Variants in ANK2 observed in about 807,000 individuals in gnomAD.
The protein encoded by ANK2 is ankyrin-2.
A neutral mutation model predicts 360.5 loss-of-function variants in ANK2; 83 were observed. That is an observed-to-expected ratio of 0.23 (90% CI 0.19 to 0.28). The LOEUF is 0.28. Among genes scored for constraint, ANK2 ranks in the 10% least tolerant of loss-of-function variants. The pLI is 1.00. For synonymous variants in ANK2, 1,740 were observed against 1,759.5 expected (o/e 0.99, Z 0.28); for missense variants, 4,201 against 4,795.7 (o/e 0.88, Z 3.66).
the ANK2 span, among the ~76,000 whole-genome samples, chr4:112,726,272 G>A: frequency 9.9e-5 from 15 of 152,162 alleles, no homozygotes; most frequent in Admixed American, 9.2e-4. Context: ...ATCATGTTTC[G>A]AGTTATGCCT....
At chr4:113,082,282 G>A (rs934198003) in intron 1 of ANK2, among the ~76,000 whole-genome samples, 1 of 152,006 alleles carries the variant, frequency 6.6e-6, no homozygotes, top group Non-Finnish European at 1.5e-5. Context: ...GTATAAAAAC[G>A]CCTTCCTATT....
intron 43 of ANK2, 115 bp downstream of exon 43, chr4:113,369,920 T>A: frequency 7.7e-7 from 1 of 1,300,418 alleles, no homozygotes; most frequent in Non-Finnish European, 1.1e-6. Flanking sequence ...TTAACCAAAT[T>A]AATTAACCTG....
At chr4:112,828,837 AAAAC>A (rs1467006483) in intron 1 of ANK2, among the ~76,000 whole-genome samples, 1 of 152,170 alleles carries the variant, frequency 6.6e-6, no homozygotes, top group Non-Finnish European at 1.5e-5. Flanking sequence ...CTTAAAGCAA[AAAAC>A]AAACAACCCT....
Position 112,848,490 on chromosome 4 carries a change from A to G in ANK2, c.-40+30226A>G, listed in dbSNP as rs149866967. Among the ~76,000 whole-genome samples the G allele has an allele frequency of 2.3e-3, 350 of 152,318 alleles. 1 individual carries two copies. Among genetic ancestry groups the G allele is most frequent in the Middle Eastern group, 6.8e-3 (2 of 294 alleles). On this transcript the variant is annotated intron_variant, in intron 1 of 30. Transcript: ENST00000503271. Reference sequence around the variant, plus strand: ...AAAATGGATTTAAAAAGAGAATTACATAAAGTACCGAGGCCATAGTAGAGC... The same window carrying G: ...AAAATGGATTTAAAAAGAGAATTACGTAAAGTACCGAGGCCATAGTAGAGC...
intron 1 of ANK2, among the ~76,000 whole-genome samples, chr4:112,825,284 A>G (rs2058158147): frequency 6.6e-6 from 1 of 152,184 alleles, no homozygotes; most frequent in Non-Finnish European, 1.5e-5. Context: ...ACATGTATAC[A>G]TATGTAACAA....
At chr4:113,212,234 T>G (rs2099031618) in intron 4 of ANK2, among the ~76,000 whole-genome samples, 1 of 152,236 alleles carries the variant, frequency 6.6e-6, no homozygotes, top group Non-Finnish European at 1.5e-5. Context: ...TATATCTTAT[T>G]TTTTTCAAAG....
In ANK2 at chr4:113,356,159, A is replaced by G; in HGVS notation, c.7541A>G (p.Asp2514Gly). ...CGGTCCCGGCTACTCCGAGACCCTG[A>G]TGGCAGTGCTGAGGATGACAGTCTT... The part of the protein sequence containing the change: ...SVRSRLLRDP[D>G]GSAEDDSLEQ... Residue 2514 changes from aspartate (D) to glycine (G), a missense_variant, in exon 38 of 46, where the codon GAT (aspartate) becomes GGT (glycine). By Grantham distance (94) the Asp-to-Gly change is moderately conservative. Coordinates refer to ENST00000357077, the MANE Select transcript of ANK2 (RefSeq NM_001148.6). 2 of 1,614,004 alleles carry G rather than the reference A, an allele frequency of 1.2e-6. No homozygotes were observed. Among genetic ancestry groups the G allele is most frequent in the South Asian group, 1.1e-5 (1 of 91,064 alleles).
rs35338364 is a variant in ANK2 at position 113,356,449 on chromosome 4, T to C, written c.7831T>C (p.Tyr2611His). ...LEQEAKQKRDYKKEPKQEESS... is the reference protein window; with the variant it reads ...LEQEAKQKRDHKKEPKQEESS... ...ACAAGAAGCAAAGCAGAAAAGGGAC[T>C]ACAAAAAAGAACCCAAACAAGAAGA... Residue 2611 changes from tyrosine to histidine, a missense_variant, in exon 38 of 46, where the codon TAC becomes CAC. Coordinates refer to ENST00000357077, the MANE Select transcript of ANK2 (RefSeq NM_001148.6). 8.7e-4 allele frequency: 1,398 copies of C among 1,614,072 alleles called. 13 individuals are homozygous for C. The African/African-American group carries it at 0.017, about 19-fold the overall frequency.
rs568255684 is a variant in ANK2, at chr4:113,357,624, C to G, written c.9006C>G (p.Thr3002=). The change falls in exon 38 of 46, where the codon ACC becomes ACG. Residue 3002 remains threonine, a synonymous_variant. Coordinates refer to ENST00000357077, the MANE Select transcript of ANK2 (RefSeq NM_001148.6). ...AAATGGAATCCCAACAGGAAAGTAC[C>G]TTGTGGGAAATGCAATCAGACAGTG... ...DIKMESQQES[T]LWEMQSDSVS... is the part of the protein sequence containing the mutation. The G allele has an allele frequency of 6.2e-7, 1 of 1,614,108 alleles. No individual in the cohort carries two copies. Among genetic ancestry groups the G allele is most frequent in the East Asian group, 2.2e-5 (1 of 44,874 alleles).
At chr4:112,796,440 A>G in the ANK2 span, among the ~76,000 whole-genome samples, 1 of 118,748 alleles carries the variant, frequency 8.4e-6, no homozygotes, top group South Asian at 3.0e-4. Context: ...AAATATCTAT[A>G]TATCTATATA....
At position 113,265,113 on chromosome 4, in the gene ANK2, T is replaced by A. The variant is rs1229434851; in HGVS notation, c.1485+118T>A. The A allele has an allele frequency of 4.1e-6, 4 of 968,860 alleles. No individual in the cohort carries two copies. The Admixed American group carries it at 8.0e-5, about 19-fold the overall frequency. 60.0% of individuals were successfully genotyped at this position (968,860 alleles called of 1,614,324 possible). On this transcript the variant is annotated intron_variant, in intron 14 of 45. Transcript: ENST00000357077. Reference sequence around the variant, plus strand: ...ATACCAGGGACTGTAAGTGAAAGGATCAATTCAATAGCAGTTTTCCAGAAA... The same window carrying A: ...ATACCAGGGACTGTAAGTGAAAGGAACAATTCAATAGCAGTTTTCCAGAAA...
Position 113,367,846 on chromosome 4 carries a change from A to T in ANK2, c.11313A>T (p.Glu3771Asp). ...AGTCATCTCTGGAATATCAGCAGGA[A>T]TATTTGTGAGTTTCCAAAGAAAGCC... ...PEESSLEYQQEYFVTTPGTET... is the reference protein window; with the variant it reads ...PEESSLEYQQDYFVTTPGTET... The change falls in exon 42 of 46, where the codon GAA becomes GAT. Residue 3771 changes from glutamate (E) to aspartate (D), a missense_variant. Coordinates refer to ENST00000357077, the MANE Select transcript of ANK2 (RefSeq NM_001148.6). 6.2e-7 allele frequency: 1 copy of T among 1,614,152 alleles called. No homozygotes were observed.
intron 1 of ANK2, among the ~76,000 whole-genome samples, chr4:112,878,413 G>T (rs1410790316): frequency 6.6e-6 from 1 of 152,046 alleles, no homozygotes; most frequent in African/African-American, 2.4e-5. Flanking sequence ...TGCCACCTCC[G>T]CCTCCCAGGT....
At chr4:113,200,942 C>T (rs1051083973) in intron 4 of ANK2, among the ~76,000 whole-genome samples, 16 of 151,974 alleles carry the variant, frequency 1.1e-4, no homozygotes, top group African/African-American at 2.9e-4. Flanking sequence ...ATGTAGATGA[C>T]GGGTTGATGG....
chr4:112,874,817 T>A (rs145453961), intron 1 of ANK2, among the ~76,000 whole-genome samples: 172 of 152,164 alleles, frequency 1.1e-3, no homozygotes, highest in African/African-American at 3.8e-3. Context: ...CAATGGAGGT[T>A]TTTAGAAGGA....
chr4:112,998,422 C>T (rs1312540187), intron 2 of ANK2, among the ~76,000 whole-genome samples: 2 of 152,140 alleles, frequency 1.3e-5, no homozygotes, highest in Non-Finnish European at 2.9e-5. Context: ...CACATACTAG[C>T]ATCCATCATA....
chr4:113,267,549 C>T (rs1209990798), intron 14 of ANK2, among the ~76,000 whole-genome samples: 1 of 152,166 alleles, frequency 6.6e-6, no homozygotes, highest in African/African-American at 2.4e-5. Flanking sequence ...TGTCAAAGAT[C>T]AGATGGTTGT....
chr4:113,273,954 T>A (rs1054007100), intron 14 of ANK2, among the ~76,000 whole-genome samples: 1 of 152,228 alleles, frequency 6.6e-6, no homozygotes, highest in Non-Finnish European at 1.5e-5. Flanking sequence ...TGTGCACTGT[T>A]TCTCCTTGAA....
the ANK2 span, among the ~76,000 whole-genome samples, chr4:112,726,637 G>A: frequency 6.6e-6 from 1 of 152,012 alleles, no homozygotes; most frequent in Non-Finnish European, 1.5e-5. Flanking sequence ...AGATCACAAG[G>A]TCAGGAGATC....
Sources: gnomAD v4.1 joint callset for allele counts (sites outside exome capture counted in the v4.1 genomes callset) on GRCh38, gnomAD v4.1.1 for gene constraint, MANE v1.5 for transcripts, NCBI Gene and HGNC (gene_info 2026-07-23, HGNC 2026-07-21) for gene names.